KANSL1L: variants seen among roughly 807,000 people sequenced by gnomAD.
The protein encoded by KANSL1L is KAT8 regulatory NSL complex subunit 1 like.
KANSL1L carries 25 observed loss-of-function variants against 108.6 expected under a neutral mutation model. The observed-to-expected ratio is 0.23, with a 90% CI of 0.17 to 0.32. The LOEUF is 0.32. Among genes scored for constraint, KANSL1L ranks in the 10% least tolerant of loss-of-function variants. The pLI, the probability that KANSL1L is intolerant of heterozygous loss-of-function variation, is 1.00. For synonymous variants in KANSL1L, 405 were observed against 395.1 expected (o/e 1.03, Z -0.30); for missense variants, 1,137 against 1,125.7 (o/e 1.01, Z -0.14).
rs536581629 is a variant in KANSL1L, at chr2:210,111,204, C to G, written c.1231-6903G>C. Among the ~76,000 whole-genome samples, 21 of 151,434 alleles carry G rather than the reference C, an allele frequency of 1.4e-4. No individual in the cohort carries two copies. In the South Asian group the frequency reaches 4.4e-3, roughly 31 times the overall value. On this transcript the variant is annotated intron_variant, in intron 3 of 14. Coordinates refer to ENST00000281772, the MANE Select transcript of KANSL1L (RefSeq NM_152519.4). ...ACTTATAGATGAATATATATAGCAG[C>G]ATTATTCATAATAGCCAAAAACTAA... is the stretch of plus-strand genomic sequence containing the variant.
intron 10 of KANSL1L, among the ~76,000 whole-genome samples, chr2:210,029,552 G>C (rs1435625440): frequency 6.6e-6 from 1 of 152,070 alleles, no homozygotes; most frequent in East Asian, 1.9e-4. Flanking sequence ...AAGGAATAGA[G>C]ATGATCATGA....
intron 5 of KANSL1L, among the ~76,000 whole-genome samples, chr2:210,096,278 A>G (rs902224633): frequency 1.3e-5 from 2 of 152,218 alleles, no homozygotes; most frequent in Admixed American, 6.5e-5. Context: ...AGTTATTAAA[A>G]GCCAGTATTC....
Position 210,021,997 on chromosome 2 carries a change from A to AAT in KANSL1L, c.*950_*951dup, listed in dbSNP as rs1553637852. ...TAATTTCTTGCTAATCTAGAAATACAATCATCTTTTTTTTTTTTTTCAAAT... is the reference window on the plus strand; with the variant it reads ...TAATTTCTTGCTAATCTAGAAATACAATATCATCTTTTTTTTTTTTTTCAAAT... On this transcript the variant is annotated 3_prime_UTR_variant, in exon 15 of 15. Coordinates refer to ENST00000281772, the MANE Select transcript of KANSL1L (RefSeq NM_152519.4). The AAT allele has an allele frequency of 6.7e-6, 1 of 150,108 alleles. No homozygotes were observed. Among genetic ancestry groups the AAT allele is most frequent in the African/African-American group, 2.5e-5 (1 of 39,890 alleles). 9.3% of individuals were successfully genotyped at this position (150,108 alleles called of 1,614,324 possible).
At chr2:210,029,017 T>C (rs971183314) in intron 10 of KANSL1L, 48 bp from the exon 11 acceptor site, 4 of 1,460,768 alleles carry the variant, frequency 2.7e-6, no homozygotes, top group Non-Finnish European at 3.7e-6. Context: ...TAGTTACTTG[T>C]AATGATACCC....
At chr2:210,162,787 T>C (rs1209562906) in intron 1 of KANSL1L, among the ~76,000 whole-genome samples, 1 of 152,130 alleles carries the variant, frequency 6.6e-6, no homozygotes, top group Non-Finnish European at 1.5e-5. Context: ...TTTAGAAGTG[T>C]ATAACATGGT....
intron 2 of KANSL1L, among the ~76,000 whole-genome samples, chr2:210,134,264 A>T (rs1447398587): frequency 6.6e-6 from 1 of 152,030 alleles, no homozygotes; most frequent in African/African-American, 2.4e-5. Flanking sequence ...TTCTTTCATT[A>T]TGTTCACATT....
At chr2:210,028,174 G>C (rs1307064511) in intron 11 of KANSL1L, among the ~76,000 whole-genome samples, 2 of 152,174 alleles carry the variant, frequency 1.3e-5, no homozygotes. Context: ...ACCTAACTTT[G>C]TCTCTAGCCT....
At chr2:210,115,299 A>T (rs2094943732) in intron 3 of KANSL1L, among the ~76,000 whole-genome samples, 1 of 152,160 alleles carries the variant, frequency 6.6e-6, no homozygotes, top group Non-Finnish European at 1.5e-5. Flanking sequence ...GTTACGAGAG[A>T]TAAGGACATT....
chr2:210,083,705 T>C (rs1250546372), intron 5 of KANSL1L, among the ~76,000 whole-genome samples: 1 of 151,746 alleles, frequency 6.6e-6, no homozygotes, highest in Non-Finnish European at 1.5e-5. Context: ...GGTGGGCATC[T>C]GTAGTCCCAG....
At chr2:210,160,669 C>T (rs1427610764) in intron 1 of KANSL1L, among the ~76,000 whole-genome samples, 1 of 152,116 alleles carries the variant, frequency 6.6e-6, no homozygotes, top group African/African-American at 2.4e-5. Context: ...ATATCAAGAC[C>T]TAAATAGTGC....
At chr2:210,166,099 A>C (rs901907644) in intron 1 of KANSL1L, among the ~76,000 whole-genome samples, 3 of 152,130 alleles carry the variant, frequency 2.0e-5, no homozygotes, top group African/African-American at 4.8e-5. Flanking sequence ...ATACCCCAAA[A>C]ATAAAGATGG....
intron 5 of KANSL1L, among the ~76,000 whole-genome samples, chr2:210,084,271 A>T (rs2125359041): frequency 6.6e-6 from 1 of 152,088 alleles, no homozygotes; most frequent in South Asian, 2.1e-4. Flanking sequence ...AAAATACAAA[A>T]ATTTGCCAGG....
chr2:210,081,700 A>G (rs1433085691), intron 5 of KANSL1L, among the ~76,000 whole-genome samples: 2 of 152,204 alleles, frequency 1.3e-5, no homozygotes, highest in East Asian at 1.9e-4. Flanking sequence ...GAAATACTGT[A>G]CATACACATA....
intron 5 of KANSL1L, among the ~76,000 whole-genome samples, chr2:210,076,869 T>C (rs1317434196): frequency 6.6e-6 from 1 of 152,040 alleles, no homozygotes; most frequent in East Asian, 1.9e-4. Context: ...GCTAGTCAAT[T>C]TAGTATTCTA....
At chr2:210,060,873 T>G (rs1010244856) in intron 6 of KANSL1L, among the ~76,000 whole-genome samples, 4 of 152,238 alleles carry the variant, frequency 2.6e-5, no homozygotes, top group African/African-American at 9.6e-5. Flanking sequence ...TTAAAACTTC[T>G]GCCCAGTTCA....
At chr2:210,103,956 C>G (rs1220970014) in intron 4 of KANSL1L, 148 bp downstream of exon 4, 1 of 580,730 alleles carries the variant, frequency 1.7e-6, no homozygotes, top group Non-Finnish European at 3.0e-6. Flanking sequence ...GGTCATATGT[C>G]AAATATTTTA....
chr2:210,043,993 C>G lies in KANSL1L; in HGVS notation c.1867G>C (p.Glu623Gln), dbSNP rs1312367333. Residue 623 changes from glutamate to glutamine, a missense_variant, in exon 7 of 15, where the codon GAA (glutamate) becomes CAA (glutamine). By Grantham distance (29) the Glu-to-Gln change is conservative. Transcript: ENST00000281772. ...GAGGAATCTAACTCTGATACATGTT[C>G]TCTTAATAGGTAAGACTCCGAATTG... The part of the protein sequence containing the change: ...EHNSESYLLR[E>Q]HVSELDSSFH... The G allele has an allele frequency of 6.2e-7, 1 of 1,608,236 alleles. No homozygotes were observed. Among genetic ancestry groups the G allele is most frequent in the Non-Finnish European group, 8.5e-7 (1 of 1,176,836 alleles).
intron 5 of KANSL1L, among the ~76,000 whole-genome samples, chr2:210,093,802 C>T (rs1007524174): frequency 1.3e-5 from 2 of 152,140 alleles, no homozygotes; most frequent in Admixed American, 1.3e-4. Context: ...CAGCCTTATT[C>T]ACAATAGCCA....
intron 3 of KANSL1L, among the ~76,000 whole-genome samples, chr2:210,124,654 G>C (rs1187517435): frequency 1.3e-5 from 2 of 151,480 alleles, no homozygotes; most frequent in Non-Finnish European, 2.9e-5. Flanking sequence ...TAAAGATTAG[G>C]GTAGAGCTAA....
Sources: gnomAD v4.1 joint callset for allele counts (sites outside exome capture counted in the v4.1 genomes callset) on GRCh38, gnomAD v4.1.1 for gene constraint, MANE v1.5 for transcripts, NCBI Gene and HGNC (gene_info 2026-07-23, HGNC 2026-07-21) for gene names.